IQCM: variants seen among roughly 807,000 people sequenced by gnomAD.
IQCM encodes IQ domain-containing protein M.
A neutral mutation model predicts 57.6 loss-of-function variants in IQCM; 45 were observed. The ratio of observed to expected loss-of-function variants is 0.78; its 90% CI spans 0.62 to 1.00. The LOEUF (loss-of-function observed/expected upper bound fraction) is 1.00, where lower values mean the gene tolerates loss of function less well. Among genes scored for constraint, IQCM ranks in the 50% least tolerant of loss-of-function variants. The pLI is 0.00. For synonymous variants in IQCM, 148 were observed against 158.9 expected, an observed-to-expected ratio of 0.93 and a Z score of 0.51; for missense variants, 468 against 511.6, an observed-to-expected ratio of 0.91 and a Z score of 0.82.
rs1207380033 is a variant in IQCM at position 149,459,605 on chromosome 4, C to T, written c.1229-26048G>A. On this transcript the variant is annotated intron_variant, in intron 12 of 13. Coordinates refer to ENST00000636793, the MANE Select transcript of IQCM (RefSeq NM_001363507.2). ...TTTAGACTCATTAAACAATAAGTCC[C>T]CACTCTCTCCTCCCCCAGCCCCTGG... Among the ~76,000 whole-genome samples, 4 of 152,178 alleles carry T rather than the reference C, an allele frequency of 2.6e-5. No homozygotes were observed. The East Asian group carries it at 7.7e-4, about 29-fold the overall frequency.
At chr4:149,535,344 TC>T (rs1747182291) in intron 12 of IQCM, among the ~76,000 whole-genome samples, 1 of 152,106 alleles carries the variant, frequency 6.6e-6, no homozygotes, top group African/African-American at 2.4e-5. Context: ...ATATTCATGT[TC>T]CTTTCATGTA....
chr4:149,494,214 C>A (rs1742412191), intron 12 of IQCM, among the ~76,000 whole-genome samples: 2 of 152,024 alleles, frequency 1.3e-5, no homozygotes, highest in Admixed American at 1.3e-4. Flanking sequence ...TTACAGTATG[C>A]ACACTGCTGA....
At chr4:149,547,255 G>A (rs926142713) in intron 12 of IQCM, among the ~76,000 whole-genome samples, 4 of 152,152 alleles carry the variant, frequency 2.6e-5, no homozygotes, top group Non-Finnish European at 5.9e-5. Flanking sequence ...CAGGTAGCAT[G>A]ATGCCTCCAG....
chr4:149,671,226 C>G (rs988859377), intron 7 of IQCM, among the ~76,000 whole-genome samples: 2 of 152,102 alleles, frequency 1.3e-5, no homozygotes, highest in South Asian at 4.2e-4. Flanking sequence ...TGTGTGTGTC[C>G]AGGAATTTAT....
chr4:149,425,876 A>G (rs1734428666), intron 13 of IQCM, among the ~76,000 whole-genome samples: 2 of 152,050 alleles, frequency 1.3e-5, no homozygotes, highest in South Asian at 4.1e-4. Flanking sequence ...AAACTATTAT[A>G]CAGATTTATT....
intron 13 of IQCM, among the ~76,000 whole-genome samples, chr4:149,379,242 G>C (rs1220306068): frequency 2.6e-5 from 4 of 152,228 alleles, no homozygotes; most frequent in African/African-American, 4.8e-5. Context: ...CCCCCACACA[G>C]AGTCCTCATT....
At chr4:149,479,757 G>C (rs1740576371) in intron 12 of IQCM, among the ~76,000 whole-genome samples, 1 of 152,190 alleles carries the variant, frequency 6.6e-6, no homozygotes, top group South Asian at 2.1e-4. Flanking sequence ...GTCTGAGCAG[G>C]ACAAGGAGGG....
At chr4:149,506,033 T>G (rs556724415) in intron 12 of IQCM, among the ~76,000 whole-genome samples, 5 of 152,208 alleles carry the variant, frequency 3.3e-5, no homozygotes, top group African/African-American at 1.2e-4. Flanking sequence ...ATCCACAAGA[T>G]CTAGCCTACA....
chr4:149,356,343 G>A (rs1728977872), intron 13 of IQCM, among the ~76,000 whole-genome samples: 1 of 152,100 alleles, frequency 6.6e-6, no homozygotes. Flanking sequence ...GAATGGTATT[G>A]CCTAGGTTTT....
chr4:149,535,103 A>G (rs34886718), intron 12 of IQCM, among the ~76,000 whole-genome samples: 6,355 of 152,206 alleles, frequency 0.042, 205 homozygotes, highest in Non-Finnish European at 0.069. Flanking sequence ...TGACTTAAAC[A>G]AACTGAGTGA....
chr4:149,579,541 G>T (rs1200367494), intron 9 of IQCM, among the ~76,000 whole-genome samples: 2 of 151,848 alleles, frequency 1.3e-5, no homozygotes, highest in African/African-American at 4.8e-5. Flanking sequence ...TAATGCCAGT[G>T]TTAGACTCTG....
chr4:149,540,637 G>C (rs1033097654), intron 12 of IQCM, among the ~76,000 whole-genome samples: 15 of 152,048 alleles, frequency 9.9e-5, no homozygotes, highest in Non-Finnish European at 1.8e-4. Flanking sequence ...CAGTGAGCTT[G>C]TGAGCTGCGA....
chr4:149,572,590 C>T (rs1248610533), intron 9 of IQCM, among the ~76,000 whole-genome samples: 2 of 151,944 alleles, frequency 1.3e-5, no homozygotes, highest in East Asian at 3.9e-4. Context: ...TCCCATATTT[C>T]ATCTGCATTA....
At chr4:149,675,518 G>A (rs1761676500) in intron 7 of IQCM, among the ~76,000 whole-genome samples, 1 of 151,992 alleles carries the variant, frequency 6.6e-6, no homozygotes, top group Non-Finnish European at 1.5e-5. Context: ...TAAGGATTCT[G>A]AGTTTTTGCT....
intron 7 of IQCM, among the ~76,000 whole-genome samples, chr4:149,655,253 G>T (rs1199722783): frequency 6.6e-6 from 1 of 152,074 alleles, no homozygotes; most frequent in Admixed American, 6.6e-5. Flanking sequence ...GCTAAATCCT[G>T]TTGGTTTTTA....
intron 5 of IQCM, among the ~76,000 whole-genome samples, chr4:149,716,191 G>T (rs1183614777): frequency 6.6e-6 from 1 of 152,190 alleles, no homozygotes; most frequent in Admixed American, 6.5e-5. Context: ...GGTACCTCCA[G>T]TCCCACACCG....
intron 10 of IQCM, among the ~76,000 whole-genome samples, chr4:149,555,843 A>G (rs1160881703): frequency 6.6e-6 from 1 of 152,192 alleles, no homozygotes; most frequent in Non-Finnish European, 1.5e-5. Context: ...CAATTTGAGT[A>G]CCTTTTCCTC....
intron 12 of IQCM, among the ~76,000 whole-genome samples, chr4:149,541,063 C>T (rs955657949): frequency 5.3e-5 from 8 of 151,974 alleles, no homozygotes; most frequent in Admixed American, 2.0e-4. Context: ...TTAAACTTTA[C>T]GATTAGAGTG....
Position 149,642,430 on chromosome 4 carries a change from C to CTATA in IQCM, c.566-21190_566-21187dup, listed in dbSNP as rs1326842988. Among the ~76,000 whole-genome samples, 4 of 152,110 alleles carry CTATA rather than the reference C, an allele frequency of 2.6e-5. No individual in the cohort carries two copies. In the South Asian group the frequency reaches 8.3e-4, roughly 31 times the overall value. On this transcript the variant is annotated intron_variant, in intron 7 of 13. Coordinates refer to ENST00000636793, the MANE Select transcript of IQCM (RefSeq NM_001363507.2). ...ATTGAATAGATTCTTCGAATAGTTG[C>CTATA]TATAAATTAATTCCAACTTTAAGGC...
Sources: allele counts gnomAD v4.1 joint callset (sites outside exome capture counted in the v4.1 genomes callset), GRCh38; gene constraint gnomAD v4.1.1; transcripts MANE v1.5; gene names NCBI Gene and HGNC (gene_info 2026-07-23, HGNC 2026-07-21).